GZMM: variants seen among roughly 807,000 people sequenced by gnomAD.
The protein encoded by GZMM is granzyme M.
In GZMM, 23 loss-of-function variants were observed where a neutral mutation model predicts 19.2. That is an observed-to-expected ratio of 1.20 (90% CI 0.86 to 1.69). The LOEUF (loss-of-function observed/expected upper bound fraction) is 1.69. Ranked by LOEUF, GZMM falls within the 40% of genes most tolerant of loss-of-function variation. The pLI is 0.00. For synonymous variants in GZMM, 178 were observed against 160.2 expected, an observed-to-expected ratio of 1.11 and a Z score of -0.84; for missense variants, 373 against 352.2, an observed-to-expected ratio of 1.06 and a Z score of -0.47.
At chr19:546,179 T>G (rs1268550535) in intron 1 of GZMM, among the ~76,000 whole-genome samples, 2 of 152,256 alleles carry the variant, frequency 1.3e-5, no homozygotes, top group Non-Finnish European at 1.5e-5. Context: ...TATTTATGAT[T>G]GATTTAAAAT....
chr19:547,155 C>A, intron 1 of GZMM, 125 bp from the exon 2 acceptor site: 1 of 858,954 alleles, frequency 1.2e-6, no homozygotes, highest in Non-Finnish European at 1.7e-6. Context: ...TCGGGGAACA[C>A]TGGGGACTTC....
chr19:548,197 A>C (rs926148302), intron 2 of GZMM, among the ~76,000 whole-genome samples: 1 of 152,192 alleles, frequency 6.6e-6, no homozygotes, highest in Non-Finnish European at 1.5e-5. Flanking sequence ...GGCATGTGTC[A>C]ACCCCTGTAC....
rs766934140 is a variant in GZMM, at chr19:549,159, G to A, written c.586G>A (p.Asp196Asn). 6 of 1,576,918 alleles carry A rather than the reference G, an allele frequency of 3.8e-6. No homozygotes were observed. Among genetic ancestry groups the A allele is most frequent in the African/African-American group, 2.7e-5 (2 of 74,402 alleles). Residue 196 changes from aspartate to asparagine, a missense_variant, in exon 4 of 5, where the codon GAC (aspartate) becomes AAC (asparagine). By Grantham distance (23) the Asp-to-Asn change is conservative (BLOSUM62 1). Transcript: ENST00000264553. ...CCCCAGCATGGTCTGCCTGGCGGCC[G>A]ACTCCAAGGACCAGGCTCCCTGCAA... Reference protein sequence around the residue: ...LSPSMVCLAADSKDQAPCKGD... With the variant: ...LSPSMVCLAANSKDQAPCKGD...
Position 549,850 on chromosome 19 carries a change from TGCAGTGGGGTGGGTGAGGACGGGTGGGA to T in GZMM, c.*61_*88del. On this transcript the variant is annotated 3_prime_UTR_variant, in exon 5 of 5. Transcript: ENST00000264553. ...CCACAGGACCCTTCCCCTCCAGGGG[TGCAGTGGGGTGGGTGAGGACGGGTGGGA>T]GGGACAGGGAGGGACCAATAAATCA... 2.3e-6 allele frequency: 2 copies of T among 886,748 alleles called. No homozygotes were observed. The highest frequency in any genetic ancestry group is 3.4e-6 in the Non-Finnish European group (2 of 594,914). The allele number at this position is 886,748 out of a possible 1,614,324, so 54.9% of individuals were successfully genotyped here.
intron 4 of GZMM, 63 bp from the exon 5 acceptor site, chr19:549,567 G>A (rs1254214386): frequency 6.6e-7 from 1 of 1,526,208 alleles, no homozygotes; most frequent in South Asian, 1.2e-5. Flanking sequence ...CCCTCGGCGG[G>A]CCCTGCTCCC....
chr19:547,311 C>T lies in GZMM; in HGVS notation c.87C>T (p.Gly29=). The change falls in exon 2 of 5, where the codon GGC becomes GGT. Residue 29 remains glycine, a synonymous_variant. Transcript: ENST00000264553. ...CCTTTGGGACCCAGATCATCGGGGGCCGGGAGGTGATCCCCCACTCGCGCC... is the reference window on the plus strand; with the variant it reads ...CCTTTGGGACCCAGATCATCGGGGGTCGGGAGGTGATCCCCCACTCGCGCC... ...GSSFGTQIIG[G]REVIPHSRPY... 2 of 1,565,990 alleles carry T rather than the reference C, an allele frequency of 1.3e-6. No homozygotes were observed. Among genetic ancestry groups the T allele is most frequent in the African/African-American group, 1.4e-5 (1 of 72,350 alleles).
chr19:548,858 C>T lies in GZMM; in HGVS notation c.349-64C>T, dbSNP rs1277298437. ...CCACTGCCACCCCTCCCCCCGCTGC[C>T]GCCCCCCGCCCCCGCACTCTCACCC... On this transcript the variant is annotated intron_variant, in intron 3 of 4. Coordinates refer to ENST00000264553, the MANE Select transcript of GZMM (RefSeq NM_005317.4). 6.7e-5 allele frequency: 44 copies of T among 657,988 alleles called. No homozygotes were observed. In the Middle Eastern group the frequency reaches 1.4e-3, roughly 21 times the overall value. The allele number at this position is 657,988 out of a possible 1,614,324, so 40.8% of individuals were successfully genotyped here.
intron 1 of GZMM, among the ~76,000 whole-genome samples, chr19:545,108 T>TCCTCCCTC (rs1555721641): frequency 1.3e-5 from 2 of 151,388 alleles, no homozygotes; most frequent in African/African-American, 4.8e-5. Context: ...CATCCCTCCT[T>TCCTCCCTC]CCTTTCTCCC....
chr19:545,504 T>C (rs62132574), intron 1 of GZMM, among the ~76,000 whole-genome samples: 2,803 of 146,532 alleles, frequency 0.019, 37 homozygotes, highest in Non-Finnish European at 0.028. Context: ...CCTGCCACCA[T>C]GCCGGGCTAA....
chr19:549,081 GTGC>G lies in GZMM; in HGVS notation c.511_513del (p.Leu171del), dbSNP rs768108044. 1.1e-4 allele frequency: 178 copies of G among 1,588,740 alleles called. No homozygotes were observed. Among genetic ancestry groups the G allele is most frequent in the Non-Finnish European group, 1.4e-4 (164 of 1,168,988 alleles). On this transcript the variant is annotated inframe_deletion, in exon 4 of 5. Coordinates refer to ENST00000264553, the MANE Select transcript of GZMM (RefSeq NM_005317.4). ...GGTGCTGCGGGAGCTGGACCTCCAA[GTGC>G]TGGACACCCGCATGTGTAACAACAG...
intron 4 of GZMM, 78 bp from the exon 5 acceptor site, chr19:549,552 T>G (rs1351608990): frequency 1.4e-6 from 2 of 1,445,224 alleles, no homozygotes; most frequent in Non-Finnish European, 1.9e-6. Flanking sequence ...GGCCTGGCCC[T>G]GCTCCCCTCG....
chr19:548,432 C>A, intron 2 of GZMM, 110 bp from the exon 3 acceptor site: 1 of 1,069,950 alleles, frequency 9.3e-7, no homozygotes, highest in South Asian at 1.5e-5. Context: ...TGAGGGGCAG[C>A]GGCTGTGAGT....
rs776632660 is a variant in GZMM at position 547,264 on chromosome 19, T to C, written c.56-16T>C. Reference sequence around the variant, plus strand: ...CATGTAGCCCCAACCTGGCTCTTTGTCCCCCATCCTGGCAGGCAGCTCCTT... The same window carrying C: ...CATGTAGCCCCAACCTGGCTCTTTGCCCCCCATCCTGGCAGGCAGCTCCTT... On this transcript the variant is annotated splice_polypyrimidine_tract_variant and intron_variant, in intron 1 of 4. Coordinates refer to ENST00000264553, the MANE Select transcript of GZMM (RefSeq NM_005317.4). The C allele has an allele frequency of 3.4e-6, 5 of 1,492,524 alleles. No homozygotes were observed. The highest frequency in any genetic ancestry group is 4.5e-6 in the Non-Finnish European group (5 of 1,119,106). The allele number at this position is 1,492,524 out of a possible 1,614,324, so 92.5% of individuals were successfully genotyped here.
intron 1 of GZMM, among the ~76,000 whole-genome samples, 174 bp downstream of exon 1, chr19:544,300 A>G (rs1368502596): frequency 6.6e-6 from 1 of 152,090 alleles, no homozygotes; most frequent in Admixed American, 6.5e-5. Context: ...CTTCACCCCG[A>G]GTGGACATCC....
At chr19:545,927 G>GCCACC (rs1490514434) in intron 1 of GZMM, among the ~76,000 whole-genome samples, 1 of 152,094 alleles carries the variant, frequency 6.6e-6, no homozygotes, top group African/African-American at 2.4e-5. Context: ...ACAGGCGTGA[G>GCCACC]CCACCGCACC....
At chr19:544,481 A>G (rs891683478) in intron 1 of GZMM, among the ~76,000 whole-genome samples, 3 of 152,096 alleles carry the variant, frequency 2.0e-5, no homozygotes, top group Non-Finnish European at 4.4e-5. Flanking sequence ...CTGGGACTCG[A>G]TCCCCGCTGG....
At chr19:549,307 C>T (rs535246951) in intron 4 of GZMM, 122 bp downstream of exon 4, 10 of 954,414 alleles carry the variant, frequency 1.0e-5, no homozygotes, top group Admixed American at 8.7e-5. Flanking sequence ...GGCTGGGGGG[C>T]GGGGAAGCAC....
intron 1 of GZMM, 52 bp from the exon 2 acceptor site, chr19:547,228 G>A (rs761581140): frequency 7.0e-6 from 10 of 1,427,444 alleles, no homozygotes; most frequent in Non-Finnish European, 9.2e-6. Context: ...AGTCGCAGCA[G>A]GCAGCAGGGG....
In GZMM at chr19:547,262, T is replaced by C; in HGVS notation, c.56-18T>C. 1 of 1,492,354 alleles carries C rather than the reference T, an allele frequency of 6.7e-7. No homozygotes were observed. Among genetic ancestry groups the C allele is most frequent in the South Asian group, 1.4e-5 (1 of 73,682 alleles). The allele number at this position is 1,492,354 out of a possible 1,614,324, so 92.4% of individuals were successfully genotyped here. On this transcript the variant is annotated intron_variant, in intron 1 of 4. Coordinates refer to ENST00000264553, the MANE Select transcript of GZMM (RefSeq NM_005317.4). ...GGCATGTAGCCCCAACCTGGCTCTTTGTCCCCCATCCTGGCAGGCAGCTCC... is the reference window on the plus strand; with the variant it reads ...GGCATGTAGCCCCAACCTGGCTCTTCGTCCCCCATCCTGGCAGGCAGCTCC...
Sources: allele counts gnomAD v4.1 joint callset (sites outside exome capture counted in the v4.1 genomes callset), GRCh38; gene constraint gnomAD v4.1.1; transcripts MANE v1.5; gene names NCBI Gene and HGNC (gene_info 2026-07-23, HGNC 2026-07-21).